Variants in TLN1 observed in about 807,000 individuals in gnomAD.
The protein encoded by TLN1 is talin-1.
A neutral mutation model predicts 292.3 loss-of-function variants in TLN1; 56 were observed. That is an observed-to-expected ratio of 0.19 (90% confidence interval 0.15 to 0.24). The LOEUF (loss-of-function observed/expected upper bound fraction) is 0.24. Among genes scored for constraint, TLN1 ranks in the 10% least tolerant of loss-of-function variants. The probability of loss-of-function intolerance (pLI) is 1.00; values close to 1 mark genes in which losing one functional copy is unlikely to be tolerated. For synonymous variants in TLN1, 1,119 were observed against 1,253.7 expected (o/e 0.89, Z 2.27); for missense variants, 2,433 against 3,248.2 (o/e 0.75, Z 6.10).
Position 35,706,706 on chromosome 9 carries a change from TTCTTTGAG to T in TLN1, c.5088+54_5088+61del. ...AGAAGCCACTCCTTGATCCCCCAGC[TTCTTTGAG>T]TCTGATATTTCTCTTCCTAGACACA... On this transcript the variant is annotated intron_variant, in intron 38 of 56. Coordinates refer to ENST00000314888, the MANE Select transcript of TLN1 (RefSeq NM_006289.4). This position sits in a 1 kb window ranked among gnomAD's most constrained non-coding sequence, Gnocchi z 4.2. 6.3e-7 allele frequency: 1 copy of T among 1,594,564 alleles called. No individual in the cohort carries two copies. Among genetic ancestry groups the T allele is most frequent in the Non-Finnish European group, 8.5e-7 (1 of 1,170,276 alleles).
Position 35,704,777 on chromosome 9 carries a change from G to A in TLN1, c.5772C>T (p.Gly1924=). The A allele has an allele frequency of 1.2e-6, 2 of 1,614,180 alleles. No individual in the cohort carries two copies. The highest frequency in any genetic ancestry group is 1.1e-5 in the South Asian group (1 of 91,084). ...SHIKHRVQEL[G]HGCAALVTKA... ...TGGTGACCAGAGCGGCACAGCCATG[G>A]CCCAGCTCCTGTACCCGGTGTTTGA... The change falls in exon 44 of 57, where the codon GGC becomes GGT. Residue 1924 remains glycine (G), a synonymous_variant. Coordinates refer to ENST00000314888, the MANE Select transcript of TLN1 (RefSeq NM_006289.4). This position sits in a 1 kb window ranked among gnomAD's most constrained non-coding sequence, Gnocchi z 6.9.
In TLN1 at chr9:35,698,344, C is replaced by T. The variant is rs765436532; in HGVS notation, c.7350G>A (p.Ser2450=). The T allele has an allele frequency of 2.7e-5, 44 of 1,614,044 alleles. No homozygotes were observed. The highest frequency in any genetic ancestry group is 1.6e-4 in the Middle Eastern group (1 of 6,084). The part of the protein sequence containing the change: ...VACKVKADQD[S]EAMKRLQAAG... ...TCACCTGAAGTCGTTTCATTGCCTC[C>T]GAGTCCTGGTCAGCCTTGACCTTGC... The change falls in exon 55 of 57, where the codon TCG becomes TCA. Residue 2450 remains serine (S), a synonymous_variant. Transcript: ENST00000314888. This position sits in a 1 kb window ranked among gnomAD's most constrained non-coding sequence, Gnocchi z 5.3.
Position 35,703,848 on chromosome 9 carries a change from A to G in TLN1, c.6284T>C (p.Ile2095Thr), listed in dbSNP as rs1010558566. 6 of 1,614,082 alleles carry G rather than the reference A, an allele frequency of 3.7e-6. No individual in the cohort carries two copies. The highest frequency in any genetic ancestry group is 1.3e-5 in the African/African-American group (1 of 74,928). The stretch of plus-strand genomic sequence containing the variant: ...GCCAGCTGCAGCCTTCGTTGCACTG[A>G]TGAGGTCTCCCAGGGCTTTGGCTAC... ...KDVAKALGDLISATKAAAGKV... is the reference protein window; with the variant it reads ...KDVAKALGDLTSATKAAAGKV... The change falls in exon 47 of 57, where the codon ATC becomes ACC. Residue 2095 changes from isoleucine to threonine, a missense_variant. Transcript: ENST00000314888.
Position 35,699,311 on chromosome 9 carries a change from A to G in TLN1, c.6874+45T>C. On this transcript the variant is annotated intron_variant, in intron 51 of 56. Coordinates refer to ENST00000314888, the MANE Select transcript of TLN1 (RefSeq NM_006289.4). This position sits in a 1 kb window ranked among gnomAD's most constrained non-coding sequence, Gnocchi z 4.0. ...CCAGCCAGGAAGCAGAGATCACACCATGATAAGGGTTTTCCATCCGTCCCT... is the reference window on the plus strand; with the variant it reads ...CCAGCCAGGAAGCAGAGATCACACCGTGATAAGGGTTTTCCATCCGTCCCT... 6.3e-7 allele frequency: 1 copy of G among 1,582,830 alleles called. No individual in the cohort carries two copies. Among genetic ancestry groups the G allele is most frequent in the Non-Finnish European group, 8.6e-7 (1 of 1,163,068 alleles).
At position 35,719,010 on chromosome 9, in the gene TLN1, G is replaced by C. The variant is rs1825835466; in HGVS notation, c.1896+64C>G. 6 of 1,597,010 alleles carry C rather than the reference G, an allele frequency of 3.8e-6. No homozygotes were observed. The highest frequency in any genetic ancestry group is 5.1e-6 in the Non-Finnish European group (6 of 1,167,756). ...ACCCAGGCTTCCATCCTGTGGCTTGGACTGCCCCTTCTCCTTGGGCTTGAA... is the reference window on the plus strand; with the variant it reads ...ACCCAGGCTTCCATCCTGTGGCTTGCACTGCCCCTTCTCCTTGGGCTTGAA... On this transcript the variant is annotated intron_variant, in intron 16 of 56. Transcript: ENST00000314888. This position sits in a 1 kb window ranked among gnomAD's most constrained non-coding sequence, Gnocchi z 4.6.
chr9:35,716,190 TAAAA>T (rs11443679), intron 20 of TLN1, among the ~76,000 whole-genome samples, 196 bp downstream of exon 20: 5 of 112,424 alleles, frequency 4.4e-5, no homozygotes, highest in African/African-American at 1.7e-4. Context: ...ACCACATCTT[TAAAA>T]AAAAAAAAAA....
At chr9:35,712,640 C>T (rs1160279298) in intron 27 of TLN1, among the ~76,000 whole-genome samples, 195 bp downstream of exon 27, 1 of 139,682 alleles carries the variant, frequency 7.2e-6, no homozygotes, top group Non-Finnish European at 1.5e-5. Context: ...AAGAGCAAAA[C>T]TCTGTCTCAA....
In TLN1 at chr9:35,717,466, C is replaced by T. The variant is rs145746993; in HGVS notation, c.2164-26G>A. ...CTGTAGGTAAAGTGAATGTCAGAGA[C>T]GTAGGCAAGGGAAAGGAGGTAGAGT... is the stretch of plus-strand genomic sequence containing the variant. On this transcript the variant is annotated intron_variant, in intron 18 of 56. Coordinates refer to ENST00000314888, the MANE Select transcript of TLN1 (RefSeq NM_006289.4). This position sits in a 1 kb window ranked among gnomAD's most constrained non-coding sequence, Gnocchi z 4.7. 129 of 1,602,784 alleles carry T rather than the reference C, an allele frequency of 8.0e-5. No homozygotes were observed. In the African/African-American group the frequency reaches 1.2e-3, roughly 15 times the overall value.
chr9:35,727,257 A>T lies in TLN1; in HGVS notation c.-33-1530T>A, dbSNP rs557708459. 1.2e-4 allele frequency among the ~76,000 whole-genome samples: 18 copies of T among 152,262 alleles called. No individual in the cohort carries two copies. In the South Asian group the frequency reaches 3.7e-3, roughly 32 times the overall value. The stretch of plus-strand genomic sequence containing the variant: ...CTCAAATGGGGAAAAGCAGGGTGAG[A>T]GGGGAAGGCTGGAAAGCAGAGATGG... On this transcript the variant is annotated intron_variant, in intron 1 of 56. Coordinates refer to ENST00000314888, the MANE Select transcript of TLN1 (RefSeq NM_006289.4).
At chr9:35,700,933 T>C (rs1186360298) in intron 48 of TLN1, among the ~76,000 whole-genome samples, 1 of 152,238 alleles carries the variant, frequency 6.6e-6, no homozygotes, top group Non-Finnish European at 1.5e-5. Flanking sequence ...GGAGCTTACA[T>C]TCTGGTTTTG....
At position 35,714,809 on chromosome 9, in the gene TLN1, G is replaced by A. The variant is rs139655425; in HGVS notation, c.2822C>T (p.Thr941Ile). The A allele has an allele frequency of 5.7e-6, 9 of 1,578,922 alleles. No individual in the cohort carries two copies. Among genetic ancestry groups the A allele is most frequent in the Non-Finnish European group, 7.7e-6 (9 of 1,162,700 alleles). The change falls in exon 22 of 57, where the codon ACC becomes ATC. Residue 941 changes from threonine (T) to isoleucine (I), a missense_variant. Coordinates refer to ENST00000314888, the MANE Select transcript of TLN1 (RefSeq NM_006289.4). This position sits in a 1 kb window ranked among gnomAD's most constrained non-coding sequence, Gnocchi z 4.6. ...TIAAAQHAAS[T>I]PKASAGPQPL... ...CTGGGGGCCGGCAGAGGCCTTGGGG[G>A]TAGAGGCTGCGTGCTGAGCTGCAGC...
chr9:35,710,167 G>C (rs1267052287), intron 33 of TLN1, among the ~76,000 whole-genome samples: 1 of 144,588 alleles, frequency 6.9e-6, no homozygotes, highest in Non-Finnish European at 1.5e-5. Context: ...AGCTTGCAGT[G>C]AGCCTAGATC....
intron 27 of TLN1, 52 bp downstream of exon 27, chr9:35,712,783 G>A: frequency 2.7e-6 from 4 of 1,494,388 alleles, no homozygotes; most frequent in East Asian, 4.9e-5. Flanking sequence ...ATCAGGGTGG[G>A]CCTTATGAAG....
At position 35,710,689 on chromosome 9, in the gene TLN1, G is replaced by A; in HGVS notation, c.4204-6C>T. On this transcript the variant is annotated splice_region_variant and splice_polypyrimidine_tract_variant and intron_variant, in intron 32 of 56. Transcript: ENST00000314888. Reference sequence around the variant, plus strand: ...GTCATGGCCTCGCCCAGCACCTGAGGAACAGAGGACATCAGGGGAGTCAGA... The same window carrying A: ...GTCATGGCCTCGCCCAGCACCTGAGAAACAGAGGACATCAGGGGAGTCAGA... 1 of 1,614,156 alleles carries A rather than the reference G, an allele frequency of 6.2e-7. No homozygotes were observed. The highest frequency in any genetic ancestry group is 2.2e-5 in the East Asian group (1 of 44,892).
Position 35,724,476 on chromosome 9 carries a change from C to G in TLN1, c.511+96G>C, listed in dbSNP as rs536064655. The G allele has an allele frequency of 1.5e-5, 24 of 1,563,200 alleles. No homozygotes were observed. In the Admixed American group the frequency reaches 2.0e-4, roughly 13 times the overall value. Reference sequence around the variant, plus strand: ...GGACTTTGTTTTCTCACTGATGTATCCCCAGGGTGTAAAACAGTGCCTGGC... The same window carrying G: ...GGACTTTGTTTTCTCACTGATGTATGCCCAGGGTGTAAAACAGTGCCTGGC... On this transcript the variant is annotated intron_variant, in intron 5 of 56. Transcript: ENST00000314888. The surrounding 1 kb of genome is among the most constrained non-coding windows in gnomAD (Gnocchi z 4.7).
Position 35,717,724 on chromosome 9 carries a change from G to C in TLN1, c.2058C>G (p.Ala686=). 6.2e-7 allele frequency: 1 copy of C among 1,613,508 alleles called. No homozygotes were observed. Among genetic ancestry groups the C allele is most frequent in the East Asian group, 2.2e-5 (1 of 44,860 alleles). The change falls in exon 18 of 57, where the codon GCC becomes GCG. Residue 686 remains alanine (A), a synonymous_variant. Transcript: ENST00000314888. This position sits in a 1 kb window ranked among gnomAD's most constrained non-coding sequence, Gnocchi z 4.7. The part of the protein sequence containing the change: ...ASAAAALVLK[A]KSVAQRTEDS... The stretch of plus-strand genomic sequence containing the variant: ...CCTCTGTCCGCTGGGCCACACTCTT[G>C]GCCTTGAGGACCAGGGCAGCTGCAG...
chr9:35,712,176 C>G, intron 27 of TLN1, 52 bp from the exon 28 acceptor site: 1 of 1,575,942 alleles, frequency 6.3e-7, no homozygotes, highest in South Asian at 1.2e-5. Flanking sequence ...TTTGAGAGAT[C>G]GCCTCCATTC....
chr9:35,731,632 GA>G (rs1826081689), intron 1 of TLN1, among the ~76,000 whole-genome samples: 1 of 152,050 alleles, frequency 6.6e-6, no homozygotes, highest in African/African-American at 2.4e-5. Flanking sequence ...CAGCAAACAA[GA>G]TAATGACCGT....
In TLN1 at chr9:35,725,288, T is replaced by G; in HGVS notation, c.164A>C (p.Asp55Ala). The change falls in exon 3 of 57, where the codon GAC (aspartate) becomes GCC (alanine). Residue 55 changes from aspartate to alanine, a missense_variant. Coordinates refer to ENST00000314888, the MANE Select transcript of TLN1 (RefSeq NM_006289.4). ...SDFGLFLSDD[D>A]PKKGIWLEAG... ...CTCCAGCCATATACCCTTTTTGGGG[T>G]CATCATCTGACAGAAAGAGCCCAAA... is the stretch of plus-strand genomic sequence containing the variant. 6.2e-7 allele frequency: 1 copy of G among 1,614,084 alleles called. No homozygotes were observed. Among genetic ancestry groups the G allele is most frequent in the African/African-American group, 1.3e-5 (1 of 74,994 alleles).
Sources: gnomAD v4.1 joint callset for allele counts (sites outside exome capture counted in the v4.1 genomes callset) on GRCh38, gnomAD v4.1.1 for gene constraint, Gnocchi (gnomAD v3.1) non-coding constraint, MANE v1.5 for transcripts, NCBI Gene and HGNC (gene_info 2026-07-23, HGNC 2026-07-21) for gene names.